The following LRP1B variants were observed in gnomAD, a reference collection of about 807,000 sequenced individuals.
LRP1B encodes the protein LDL receptor related protein 1B.
LRP1B carries 217 observed loss-of-function variants against 556.6 expected under a neutral mutation model. The observed-to-expected ratio is 0.39, with a 90% CI of 0.35 to 0.44. The LOEUF (loss-of-function observed/expected upper bound fraction) is 0.44. Ranked by LOEUF, LRP1B falls within the 20% of genes least tolerant of loss-of-function variation. The pLI is 1.00. For synonymous variants in LRP1B, 2,047 were observed against 1,865.8 expected, an observed-to-expected ratio of 1.10 and a Z score of -2.50; for missense variants, 5,053 against 5,620.8, an observed-to-expected ratio of 0.90 and a Z score of 3.23.
intron 3 of LRP1B, among the ~76,000 whole-genome samples, chr2:141,292,974 G>C (rs1451128666): frequency 6.6e-6 from 1 of 152,074 alleles, no homozygotes; most frequent in African/African-American, 2.4e-5. Context: ...TCAATAGTAG[G>C]GGAAAGTGGG....
intron 35 of LRP1B, among the ~76,000 whole-genome samples, chr2:140,759,963 T>C (rs577393290): frequency 3.2e-4 from 49 of 152,290 alleles, no homozygotes; most frequent in African/African-American, 1.1e-3. Flanking sequence ...AGTCCTTAAG[T>C]AAGATTTGGC....
At chr2:141,107,401 G>A (rs976304566) in intron 7 of LRP1B, among the ~76,000 whole-genome samples, 5 of 152,030 alleles carry the variant, frequency 3.3e-5, no homozygotes, top group African/African-American at 4.8e-5. Flanking sequence ...TAATCCCAGC[G>A]CTTTGGGAGG....
At chr2:141,555,826 G>T (rs1685942439) in intron 2 of LRP1B, among the ~76,000 whole-genome samples, 1 of 151,748 alleles carries the variant, frequency 6.6e-6, no homozygotes, top group Non-Finnish European at 1.5e-5. Context: ...TCTTTGAAAA[G>T]GTATTCAGCA....
intron 2 of LRP1B, among the ~76,000 whole-genome samples, chr2:141,517,245 T>C (rs1327325644): frequency 1.2e-4 from 1 of 8,370 alleles, no homozygotes; most frequent in Non-Finnish European, 4.5e-4. Context: ...GACCATGTCT[T>C]AGAAGGACAA....
chr2:141,660,919 G>C (rs761299019), intron 2 of LRP1B, among the ~76,000 whole-genome samples: 3 of 152,046 alleles, frequency 2.0e-5, no homozygotes, highest in Non-Finnish European at 4.4e-5. Context: ...TGTTCCCATC[G>C]GCATCAGGTC....
chr2:141,161,110 C>A (rs6711588), intron 7 of LRP1B, among the ~76,000 whole-genome samples: 103,660 of 151,878 alleles, frequency 0.68, 35,905 homozygotes, highest in Middle Eastern at 0.82. Context: ...AGGAGATTTT[C>A]TTTCTTCTAT....
At chr2:142,121,569 G>A (rs1464292034) in intron 1 of LRP1B, among the ~76,000 whole-genome samples, 10 of 152,060 alleles carry the variant, frequency 6.6e-5, no homozygotes, top group African/African-American at 1.4e-4. Flanking sequence ...GTCCCCTCTC[G>A]TCACTTAGTT....
At chr2:140,450,011 A>G (rs532243367) in intron 63 of LRP1B, among the ~76,000 whole-genome samples, 2 of 152,334 alleles carry the variant, frequency 1.3e-5, no homozygotes, top group Admixed American at 6.5e-5. Context: ...CATGCCAATT[A>G]CAGTCAAATG....
chr2:140,298,099 C>A lies in LRP1B; in HGVS notation c.12806-130G>T, dbSNP rs1683679662. ...GGTCTGTCCATGATTTACTCTGTGA[C>A]TTTAGGCAGTAACAAGACTTCTTTG... is the stretch of plus-strand genomic sequence containing the variant. On this transcript the variant is annotated intron_variant, in intron 83 of 90. Coordinates refer to ENST00000389484, the MANE Select transcript of LRP1B (RefSeq NM_018557.3). 4.2e-6 allele frequency: 3 copies of A among 710,176 alleles called. No individual in the cohort carries two copies. In the East Asian group the frequency reaches 8.9e-5, roughly 21 times the overall value. The allele number at this position is 710,176 out of a possible 1,614,324, so 44.0% of individuals were successfully genotyped here. A position where few individuals can be genotyped will look rare whatever the true frequency, so the allele number is the denominator to read the frequency against.
intron 20 of LRP1B, among the ~76,000 whole-genome samples, chr2:140,924,591 T>G (rs950902368): frequency 1.3e-5 from 2 of 152,020 alleles, no homozygotes; most frequent in African/African-American, 4.8e-5. Context: ...GTTCCATTGG[T>G]CAAAAACATG....
chr2:141,523,691 A>G (rs1684601272), intron 2 of LRP1B, among the ~76,000 whole-genome samples: 1 of 152,152 alleles, frequency 6.6e-6, no homozygotes, highest in African/African-American at 2.4e-5. Context: ...GAACAGGTTG[A>G]GAGGACTCTA....
chr2:140,905,367 T>C (rs1375985743), intron 22 of LRP1B, among the ~76,000 whole-genome samples: 2 of 152,146 alleles, frequency 1.3e-5, no homozygotes, highest in Non-Finnish European at 2.9e-5. Flanking sequence ...CTCATGATGA[T>C]AGGCAGATAG....
At chr2:141,836,824 G>A (rs1365524273) in intron 1 of LRP1B, among the ~76,000 whole-genome samples, 2 of 151,628 alleles carry the variant, frequency 1.3e-5, no homozygotes, top group East Asian at 1.9e-4. Flanking sequence ...GGTAATTTTT[G>A]GTCTTATTTA....
At chr2:140,959,898 T>C (rs944874085) in intron 18 of LRP1B, among the ~76,000 whole-genome samples, 9 of 151,870 alleles carry the variant, frequency 5.9e-5, no homozygotes, top group African/African-American at 2.2e-4. Flanking sequence ...TACACTGCAA[T>C]TATTCACTAT....
intron 22 of LRP1B, among the ~76,000 whole-genome samples, chr2:140,905,307 C>T (rs577525896): frequency 4.6e-5 from 7 of 152,128 alleles, no homozygotes; most frequent in African/African-American, 9.6e-5. Context: ...CTTAAGTCTA[C>T]GTCCCTTGAA....
chr2:141,125,504 G>A (rs1438719544), intron 7 of LRP1B, among the ~76,000 whole-genome samples: 1 of 152,130 alleles, frequency 6.6e-6, no homozygotes, highest in African/African-American at 2.4e-5. Flanking sequence ...CATTCTCTTA[G>A]TTTATTTCTA....
In LRP1B at chr2:141,437,943, CATATT is replaced by C. The variant is rs897482649; in HGVS notation, c.343+42448_343+42452del. ...CATTTAAAATTCAAGTAATTGTTTA[CATATT>C]ATATTATATGAGTTTTACAAATTGT... On this transcript the variant is annotated intron_variant, in intron 3 of 90. Transcript: ENST00000389484. Among the ~76,000 whole-genome samples the C allele has an allele frequency of 8.5e-5, 13 of 152,180 alleles. No homozygotes were observed. The South Asian group carries it at 1.2e-3, about 15-fold the overall frequency.
chr2:141,940,257 T>C (rs1429874058), intron 1 of LRP1B, among the ~76,000 whole-genome samples: 1 of 152,002 alleles, frequency 6.6e-6, no homozygotes, highest in African/African-American at 2.4e-5. Flanking sequence ...ATTCAACAGC[T>C]CTCTGTGCAA....
At chr2:141,093,615 A>G (rs1193911484) in intron 7 of LRP1B, among the ~76,000 whole-genome samples, 1 of 152,094 alleles carries the variant, frequency 6.6e-6, no homozygotes, top group African/African-American at 2.4e-5. Flanking sequence ...GGAGAGTTAG[A>G]TTTAACCAAG....
Sources: gnomAD v4.1 joint callset for allele counts (sites outside exome capture counted in the v4.1 genomes callset) on GRCh38, gnomAD v4.1.1 for gene constraint, MANE v1.5 for transcripts, NCBI Gene and HGNC (gene_info 2026-07-23, HGNC 2026-07-21) for gene names.